ZBTB16: variants seen among roughly 807,000 people sequenced by gnomAD.
ZBTB16 encodes the protein zinc finger and BTB domain-containing protein 16.
ZBTB16 carries 8 observed loss-of-function variants against 56.8 expected under a neutral mutation model. That is an observed-to-expected ratio of 0.14 (90% CI 0.08 to 0.25). The LOEUF (loss-of-function observed/expected upper bound fraction) is 0.25, where lower values mean the gene tolerates loss of function less well. Among genes scored for constraint, ZBTB16 ranks in the 10% least tolerant of loss-of-function variants. The probability of loss-of-function intolerance (pLI) is 1.00; values close to 1 mark genes in which losing one functional copy is unlikely to be tolerated. For synonymous variants in ZBTB16, 363 were observed against 368.5 expected, an observed-to-expected ratio of 0.98 and a Z score of 0.17; for missense variants, 625 against 903.0, an observed-to-expected ratio of 0.69 and a Z score of 3.95.
intron 4 of ZBTB16, among the ~76,000 whole-genome samples, chr11:114,217,908 G>A (rs1229372817): frequency 6.6e-6 from 1 of 152,192 alleles, no homozygotes; most frequent in Non-Finnish European, 1.5e-5. Context: ...GGATTCTCAA[G>A]GTATGGCCTG....
intron 2 of ZBTB16, among the ~76,000 whole-genome samples, chr11:114,108,159 C>T (rs775289673): frequency 1.1e-4 from 17 of 152,016 alleles, no homozygotes; most frequent in East Asian, 3.9e-4. Flanking sequence ...GTGTGTAAGA[C>T]GGCAGCCCCA....
chr11:114,241,022 C>A (rs761231389), intron 4 of ZBTB16, among the ~76,000 whole-genome samples: 7 of 152,130 alleles, frequency 4.6e-5, no homozygotes, highest in Non-Finnish European at 8.8e-5. Flanking sequence ...TCCTCCTGGC[C>A]CAGAGTGTTC....
chr11:114,064,327 G>A lies in ZBTB16; in HGVS notation c.1027G>A (p.Asp343Asn). Residue 343 changes from aspartate to asparagine, a missense_variant, in exon 2 of 7, where the codon GAC becomes AAC. By Grantham distance (23) the Asp-to-Asn change is conservative. Coordinates refer to ENST00000335953, the MANE Select transcript of ZBTB16 (RefSeq NM_006006.6). This position sits in a 1 kb window ranked among gnomAD's most constrained non-coding sequence, Gnocchi z 4.2. ...CTCCGTGTTGCCCAACCACAAGGCT[G>A]ACGCTGTATTGAGCATGCCGTCTTC... ...IYSVLPNHKADAVLSMPSSVT... is the reference protein window; with the variant it reads ...IYSVLPNHKANAVLSMPSSVT... 6.2e-7 allele frequency: 1 copy of A among 1,614,138 alleles called. No homozygotes were observed. Among genetic ancestry groups the A allele is most frequent in the Non-Finnish European group, 8.5e-7 (1 of 1,180,030 alleles).
In ZBTB16 at chr11:114,186,844, G is replaced by C. The variant is rs1943371338; in HGVS notation, c.1367-108G>C. 5 of 1,056,236 alleles carry C rather than the reference G, an allele frequency of 4.7e-6. No individual in the cohort carries two copies. In the South Asian group the frequency reaches 6.5e-5, roughly 14 times the overall value. The allele number at this position is 1,056,236 out of a possible 1,614,324, so 65.4% of individuals were successfully genotyped here. On this transcript the variant is annotated intron_variant, in intron 3 of 6. Coordinates refer to ENST00000335953, the MANE Select transcript of ZBTB16 (RefSeq NM_006006.6). ...TGATCCCTCACTCAGGATTTTTGCGGGTGTCCAGTCCCCTTCCCTAGTGTC... is the reference window on the plus strand; with the variant it reads ...TGATCCCTCACTCAGGATTTTTGCGCGTGTCCAGTCCCCTTCCCTAGTGTC...
At chr11:114,211,930 A>G (rs1944005629) in intron 4 of ZBTB16, among the ~76,000 whole-genome samples, 1 of 152,168 alleles carries the variant, frequency 6.6e-6, no homozygotes, top group Non-Finnish European at 1.5e-5. Context: ...TTTACAGTGT[A>G]TCTCTCATAA....
intron 2 of ZBTB16, among the ~76,000 whole-genome samples, chr11:114,075,321 G>A (rs371682221): frequency 6.6e-6 from 1 of 152,238 alleles, no homozygotes; most frequent in East Asian, 1.9e-4. Flanking sequence ...ATTCATACTG[G>A]TGGTAGAGCA....
chr11:114,207,235 G>A (rs541560227), intron 4 of ZBTB16, among the ~76,000 whole-genome samples: 1 of 152,192 alleles, frequency 6.6e-6, no homozygotes, highest in South Asian at 2.1e-4. Flanking sequence ...AAATCATTTA[G>A]AGGAACTTTA....
At chr11:114,235,135 A>G (rs1406127302) in intron 4 of ZBTB16, among the ~76,000 whole-genome samples, 1 of 152,146 alleles carries the variant, frequency 6.6e-6, no homozygotes, top group Non-Finnish European at 1.5e-5. Flanking sequence ...GGGGAGAAGA[A>G]GCTTTCGGGG....
At chr11:114,172,243 G>A (rs930418389) in intron 3 of ZBTB16, among the ~76,000 whole-genome samples, 7 of 152,198 alleles carry the variant, frequency 4.6e-5, no homozygotes, top group African/African-American at 1.4e-4. Context: ...TTTCCTTTTT[G>A]TCCTGGGCAA....
chr11:114,090,537 T>C (rs1238583012), intron 2 of ZBTB16, among the ~76,000 whole-genome samples: 1 of 152,196 alleles, frequency 6.6e-6, no homozygotes, highest in Non-Finnish European at 1.5e-5. Context: ...GTGTGGACTT[T>C]CTGGTGGTGA....
intron 2 of ZBTB16, among the ~76,000 whole-genome samples, chr11:114,128,224 G>C (rs1254603134): frequency 6.6e-6 from 1 of 152,150 alleles, no homozygotes; most frequent in Non-Finnish European, 1.5e-5. Context: ...AGGAGAGCCT[G>C]GGGGGGATCC....
chr11:114,225,819 C>T (rs1385732897), intron 4 of ZBTB16, among the ~76,000 whole-genome samples: 1 of 152,214 alleles, frequency 6.6e-6, no homozygotes, highest in Non-Finnish European at 1.5e-5. Flanking sequence ...GATCAGTGTT[C>T]TAAGCAGCTA....
intron 4 of ZBTB16, among the ~76,000 whole-genome samples, chr11:114,204,174 G>T: frequency 6.9e-6 from 1 of 144,222 alleles, no homozygotes. Context: ...TTTTTTCTGA[G>T]ACACAGTCTT....
In ZBTB16 at chr11:114,236,889, C is replaced by T. The variant is rs190859625; in HGVS notation, c.1454-5278C>T. On this transcript the variant is annotated intron_variant, in intron 4 of 6. Transcript: ENST00000335953. ...AAAATAAATGCAATACAGGGCTTTA[C>T]GTGATACAACAGAGCTCAGAGGAAG... 3.3e-5 allele frequency among the ~76,000 whole-genome samples: 5 copies of T among 152,286 alleles called. No homozygotes were observed. The East Asian group carries it at 7.7e-4, about 24-fold the overall frequency.
chr11:114,109,097 G>C (rs117482075), intron 2 of ZBTB16, among the ~76,000 whole-genome samples: 2,048 of 152,320 alleles, frequency 0.013, 32 homozygotes, highest in Middle Eastern at 0.044. Flanking sequence ...CGGAGGCTTT[G>C]GGGTCAGTCA....
chr11:114,130,316 A>G (rs1022848025), intron 2 of ZBTB16, among the ~76,000 whole-genome samples: 1 of 152,152 alleles, frequency 6.6e-6, no homozygotes, highest in Non-Finnish European at 1.5e-5. Context: ...CTCTCAAGGC[A>G]TGTTGGAGGC....
chr11:114,111,212 A>G (rs1940995171), intron 2 of ZBTB16, among the ~76,000 whole-genome samples: 1 of 151,736 alleles, frequency 6.6e-6, no homozygotes. Context: ...TGGATCAAGA[A>G]AAATTTTAAT....
chr11:114,242,063 G>A lies in ZBTB16; in HGVS notation c.1454-104G>A, dbSNP rs989712238. The A allele has an allele frequency of 7.5e-6, 11 of 1,467,296 alleles. No homozygotes were observed. In the African/African-American group the frequency reaches 1.5e-4, roughly 21 times the overall value. 90.9% of individuals were successfully genotyped at this position (1,467,296 alleles called of 1,614,324 possible). Reference sequence around the variant, plus strand: ...CTCTGGATTTGCCCCTGAGCATGGGGATTTGGAGGTGTGAGTCCCGACACT... The same window carrying A: ...CTCTGGATTTGCCCCTGAGCATGGGAATTTGGAGGTGTGAGTCCCGACACT... On this transcript the variant is annotated intron_variant, in intron 4 of 6. Coordinates refer to ENST00000335953, the MANE Select transcript of ZBTB16 (RefSeq NM_006006.6).
chr11:114,144,601 C>G (rs77868613), intron 2 of ZBTB16, among the ~76,000 whole-genome samples: 2 of 152,238 alleles, frequency 1.3e-5, no homozygotes, highest in Admixed American at 6.5e-5. Context: ...GACACCATGC[C>G]CACTCTAACA....
Sources: allele counts gnomAD v4.1 joint callset (sites outside exome capture counted in the v4.1 genomes callset), GRCh38; gene constraint gnomAD v4.1.1; non-coding constraint Gnocchi (gnomAD v3.1); transcripts MANE v1.5; gene names NCBI Gene and HGNC (gene_info 2026-07-23, HGNC 2026-07-21).